Variants in CLDN18 observed in about 807,000 individuals in gnomAD.
CLDN18 encodes claudin 18, also known as claudin-18.
CLDN18 carries 20 observed loss-of-function variants against 25.0 expected under a neutral mutation model. The ratio of observed to expected loss-of-function variants is 0.80; its 90% CI spans 0.56 to 1.16. The LOEUF (loss-of-function observed/expected upper bound fraction) is 1.16. CLDN18 is among the 50% of genes most tolerant of loss of function. The pLI, the probability that CLDN18 is intolerant of heterozygous loss-of-function variation, is 0.00. For synonymous variants in CLDN18, 125 were observed against 135.6 expected (o/e 0.92, Z 0.54); for missense variants, 297 against 345.4 (o/e 0.86, Z 1.11).
intron 2 of CLDN18, 125 bp downstream of exon 2, chr3:138,023,947 C>A: frequency 1.0e-6 from 1 of 987,120 alleles, no homozygotes; most frequent in Non-Finnish European, 1.5e-6. Context: ...GATTCATGAT[C>A]TGAGTGTGGA....
Position 138,023,945 on chromosome 3 carries a change from A to C in CLDN18, c.385+123A>C. 4.0e-6 allele frequency: 4 copies of C among 1,002,156 alleles called. No homozygotes were observed. The South Asian group carries it at 6.5e-5, about 16-fold the overall frequency. 62.1% of individuals were successfully genotyped at this position (1,002,156 alleles called of 1,614,324 possible). A position where few individuals can be genotyped will look rare whatever the true frequency, so the allele number is the denominator to read the frequency against. ...AGAACTTTTCATACTGAGATTCATG[A>C]TCTGAGTGTGGAGGTCCAATTGTGT... On this transcript the variant is annotated intron_variant, in intron 2 of 4. Transcript: ENST00000183605.
At chr3:138,025,847 G>A (rs11706483) in intron 3 of CLDN18, among the ~76,000 whole-genome samples, 19,037 of 152,078 alleles carry the variant, frequency 0.13, 1,265 homozygotes, top group African/African-American at 0.12. Context: ...CAGAGTATTT[G>A]GGTGCCTGGG....
rs746837279 is a variant in CLDN18 at position 138,020,400 on chromosome 3, G to A, written c.221-3258G>A. Among the ~76,000 whole-genome samples the A allele has an allele frequency of 9.8e-5, 15 of 152,346 alleles. No homozygotes were observed. The Middle Eastern group carries it at 0.01, about 104-fold the overall frequency. ...GATAGAACTAGAATAGGTGGACACT[G>A]TCATTCATACTTCAGACAGATATCT... On this transcript the variant is annotated intron_variant, in intron 1 of 4. Coordinates refer to ENST00000183605, the MANE Select transcript of CLDN18 (RefSeq NM_016369.4).
chr3:138,012,430 CT>C (rs1253874477), intron 1 of CLDN18, among the ~76,000 whole-genome samples: 4 of 152,132 alleles, frequency 2.6e-5, no homozygotes, highest in Admixed American at 2.6e-4. Flanking sequence ...GACACCAAGC[CT>C]TCCTAACCCC....
At chr3:138,004,446 AC>A (rs1192179228) in intron 1 of CLDN18, among the ~76,000 whole-genome samples, 24 of 152,284 alleles carry the variant, frequency 1.6e-4, no homozygotes, top group East Asian at 5.8e-4. Context: ...GAAGAAGCAG[AC>A]AAAAAAAACG....
At position 138,004,547 on chromosome 3, in the gene CLDN18, C is replaced by T. The variant is rs566735389; in HGVS notation, c.220+5459C>T. 9 of 152,092 alleles carry T rather than the reference C, an allele frequency of 5.9e-5. No homozygotes were observed. The South Asian group carries it at 1.7e-3, about 28-fold the overall frequency. 9.4% of individuals were successfully genotyped at this position (152,092 alleles called of 1,614,324 possible). On this transcript the variant is annotated intron_variant, in intron 1 of 4. Coordinates refer to the CLDN18 transcript ENST00000343735. ...TAAAGCTTTGAAAGTTAAAAGTATGCTTTGGCATAAGGATGGACAAACAGA... is the reference window on the plus strand; with the variant it reads ...TAAAGCTTTGAAAGTTAAAAGTATGTTTTGGCATAAGGATGGACAAACAGA...
At chr3:138,015,996 A>G (rs180686789) in intron 1 of CLDN18, among the ~76,000 whole-genome samples, 2 of 152,190 alleles carry the variant, frequency 1.3e-5, no homozygotes, top group African/African-American at 4.8e-5. Flanking sequence ...TATAACTGAT[A>G]CCTCAAGATT....
upstream of CLDN18, among the ~76,000 whole-genome samples, chr3:138,008,611 T>TAAAA (rs1416067541): frequency 1.3e-5 from 2 of 150,074 alleles, no homozygotes. Flanking sequence ...TCAAAATAAA[T>TAAAA]AAATAAATAA....
At chr3:138,009,192 C>T (rs1395330191), upstream of CLDN18, among the ~76,000 whole-genome samples, 1 of 152,214 alleles carries the variant, frequency 6.6e-6, no homozygotes, top group South Asian at 2.1e-4. Flanking sequence ...GGATGAAGAA[C>T]CTGTGACCTA....
In CLDN18 at chr3:138,027,304, T is replaced by C. The variant is rs149282479; in HGVS notation, c.504-2493T>C. On this transcript the variant is annotated intron_variant, in intron 3 of 4. Transcript: ENST00000183605. ...CTCATGCTTATAGGGATTTTTCCCA[T>C]ATATTACAGTTGAAAAAATGAAATA... 7.5e-3 allele frequency among the ~76,000 whole-genome samples: 1,140 copies of C among 152,328 alleles called. 12 individuals carry two copies. The highest frequency in any genetic ancestry group is 0.027 in the African/African-American group (1,105 of 41,572).
At chr3:138,015,658 C>A (rs1271654176) in intron 1 of CLDN18, among the ~76,000 whole-genome samples, 1 of 152,018 alleles carries the variant, frequency 6.6e-6, no homozygotes, top group Non-Finnish European at 1.5e-5. Flanking sequence ...ATCACTTGAA[C>A]CCAGAAATTC....
upstream of CLDN18, among the ~76,000 whole-genome samples, chr3:138,009,740 C>A (rs1170900455): frequency 6.6e-6 from 1 of 152,188 alleles, no homozygotes; most frequent in South Asian, 2.1e-4. Context: ...TGAAAAAAGT[C>A]GTTCATGAGT....
Position 138,031,176 on chromosome 3 carries a change from T to A in CLDN18, c.*35T>A, listed in dbSNP as rs779996032. 8 of 1,528,422 alleles carry A rather than the reference T, an allele frequency of 5.2e-6. No individual in the cohort carries two copies. Among genetic ancestry groups the A allele is most frequent in the African/African-American group, 1.4e-5 (1 of 72,822 alleles). 94.7% of individuals were successfully genotyped at this position (1,528,422 alleles called of 1,614,324 possible). On this transcript the variant is annotated 3_prime_UTR_variant, in exon 5 of 5. Coordinates refer to ENST00000183605, the MANE Select transcript of CLDN18 (RefSeq NM_016369.4). ...ACCTCTCAGCACGGGCGGAAGAAAC[T>A]CCCGGAGAGCTCACCCAAAAAACAA... is the stretch of plus-strand genomic sequence containing the variant.
At chr3:138,023,530 G>A in intron 1 of CLDN18, 128 bp from the exon 2 acceptor site, 1 of 787,028 alleles carries the variant, frequency 1.3e-6, no homozygotes. Context: ...ACAGTTTATG[G>A]ACTTTGCTGT....
intron 1 of CLDN18, among the ~76,000 whole-genome samples, chr3:138,011,804 C>T (rs1274600662): frequency 6.6e-6 from 1 of 152,156 alleles, no homozygotes; most frequent in African/African-American, 2.4e-5. Flanking sequence ...TCACAGTCTC[C>T]ATACATGGGG....
Position 138,023,829 on chromosome 3 carries a change from A to C in CLDN18, c.385+7A>C, listed in dbSNP as rs556809984. On this transcript the variant is annotated splice_region_variant and intron_variant, in intron 2 of 4. Coordinates refer to ENST00000183605, the MANE Select transcript of CLDN18 (RefSeq NM_016369.4). ...ATCATGTTCATTGTCTCAGGTAAACACAGAGCCTGGAGTTCCCACTTCTGC... is the reference window on the plus strand; with the variant it reads ...ATCATGTTCATTGTCTCAGGTAAACCCAGAGCCTGGAGTTCCCACTTCTGC... 4.4e-5 allele frequency: 70 copies of C among 1,606,202 alleles called. 1 individual carries two copies. The South Asian group carries it at 7.6e-4, about 17-fold the overall frequency.
intron 1 of CLDN18, among the ~76,000 whole-genome samples, chr3:138,012,772 T>A (rs1326433739): frequency 6.6e-6 from 1 of 152,172 alleles, no homozygotes; most frequent in Non-Finnish European, 1.5e-5. Flanking sequence ...GCACCGTAAA[T>A]TCCAGCAGAG....
At chr3:137,999,006 C>T in exon 1 of CLDN18, 1 of 1,614,198 alleles carries the variant, frequency 6.2e-7, no homozygotes. Flanking sequence ...TTTTCAACTA[C>T]CAGGGGCTGT....
At chr3:138,023,586 T>G in intron 1 of CLDN18, 72 bp from the exon 2 acceptor site, 1 of 1,500,760 alleles carries the variant, frequency 6.7e-7, no homozygotes. Context: ...TTTGTTTTAT[T>G]AAACCACAGC....
Sources: allele counts gnomAD v4.1 joint callset (sites outside exome capture counted in the v4.1 genomes callset), GRCh38; gene constraint gnomAD v4.1.1; transcripts MANE v1.5; gene names NCBI Gene and HGNC (gene_info 2026-07-23, HGNC 2026-07-21).